The following NME7 variants were observed in gnomAD, a reference collection of about 807,000 sequenced individuals.
The protein encoded by NME7 is NME/NM23 family member 7, also known as nucleoside diphosphate kinase 7.
NME7 carries 41 observed loss-of-function variants against 49.1 expected under a neutral mutation model. That is an observed-to-expected ratio of 0.83 (90% CI 0.65 to 1.08). The LOEUF is 1.08. Among genes scored for constraint, NME7 ranks in the 50% least tolerant of loss-of-function variants. The pLI is 0.00. For missense variants in NME7, 423 were observed against 463.4 expected (o/e 0.91, Z 0.80); for synonymous variants, 139 against 150.6 (o/e 0.92, Z 0.56).
chr1:169,274,771 A>G (rs1571345050), intron 7 of NME7, among the ~76,000 whole-genome samples: 1 of 133,336 alleles, frequency 7.5e-6, no homozygotes, highest in East Asian at 2.0e-4. Flanking sequence ...AAGATCAGAT[A>G]GTTGTAGATA....
At chr1:169,253,038 G>A (rs1430824586) in intron 7 of NME7, among the ~76,000 whole-genome samples, 26 of 150,850 alleles carry the variant, frequency 1.7e-4, no homozygotes, top group Middle Eastern at 3.4e-3. Flanking sequence ...TTGACTTGGC[G>A]ATGCGGGCTC....
chr1:169,248,974 T>G (rs1648443699), intron 7 of NME7, among the ~76,000 whole-genome samples: 1 of 152,132 alleles, frequency 6.6e-6, no homozygotes, highest in South Asian at 2.1e-4. Context: ...AGGTTCTTTT[T>G]CTGGTTTCAT....
intron 6 of NME7, among the ~76,000 whole-genome samples, chr1:169,290,992 T>C (rs1558025460): frequency 6.6e-6 from 1 of 152,132 alleles, no homozygotes; most frequent in Non-Finnish European, 1.5e-5. Context: ...ATGATGATCA[T>C]TAAAAAATCA....
At chr1:169,225,157 G>A (rs1647278777) in intron 10 of NME7, among the ~76,000 whole-genome samples, 1 of 152,076 alleles carries the variant, frequency 6.6e-6, no homozygotes, top group Middle Eastern at 3.4e-3. Flanking sequence ...TGTCCAAGCT[G>A]GAGTGCAGTG....
chr1:169,228,697 A>AC, intron 10 of NME7, among the ~76,000 whole-genome samples: 1 of 150,920 alleles, frequency 6.6e-6, no homozygotes, highest in East Asian at 1.9e-4. Context: ...AAAAAAAAAA[A>AC]AAAAAAAAAG....
chr1:169,326,455 G>T (rs769097280), intron 1 of NME7, among the ~76,000 whole-genome samples: 1 of 152,080 alleles, frequency 6.6e-6, no homozygotes. Flanking sequence ...CATTCATTGC[G>T]TTGTCTTTAC....
intron 1 of NME7, among the ~76,000 whole-genome samples, chr1:169,335,145 T>C (rs1204190714): frequency 6.6e-6 from 1 of 152,220 alleles, no homozygotes; most frequent in East Asian, 1.9e-4. Flanking sequence ...TGGAAGACAG[T>C]ATGGTGATTC....
chr1:169,361,656 A>C (rs1653659221), intron 1 of NME7, among the ~76,000 whole-genome samples: 1 of 151,244 alleles, frequency 6.6e-6, no homozygotes, highest in Non-Finnish European at 1.5e-5. Flanking sequence ...GGCATGCGCC[A>C]GTAGTCCCAG....
chr1:169,341,467 G>A (rs966086148), intron 1 of NME7, among the ~76,000 whole-genome samples: 1 of 152,224 alleles, frequency 6.6e-6, no homozygotes, highest in African/African-American at 2.4e-5. Flanking sequence ...GCAATGCAGA[G>A]GGAAAATGTG....
chr1:169,174,517 T>A (rs1571264303), intron 10 of NME7, among the ~76,000 whole-genome samples: 3 of 152,194 alleles, frequency 2.0e-5, no homozygotes, highest in African/African-American at 7.2e-5. Context: ...ACAACAGAGA[T>A]ATAGTCTAAG....
chr1:169,258,123 A>C (rs758054565), intron 7 of NME7, among the ~76,000 whole-genome samples: 1 of 131,036 alleles, frequency 7.6e-6, no homozygotes, highest in African/African-American at 2.6e-5. Flanking sequence ...GGACTCCTTG[A>C]GTCCAGGAGT....
At chr1:169,355,297 T>TTATATATAATATATTGTA (rs1653417276) in intron 1 of NME7, among the ~76,000 whole-genome samples, 1 of 105,862 alleles carries the variant, frequency 9.4e-6, no homozygotes, top group East Asian at 2.5e-4. Flanking sequence ...ATATTGTATA[T>TTATATATAATATATTGTA]TATATATAAT....
intron 10 of NME7, among the ~76,000 whole-genome samples, chr1:169,211,303 GT>G (rs1660810553): frequency 6.6e-6 from 1 of 152,074 alleles, no homozygotes; most frequent in Admixed American, 6.6e-5. Context: ...ACATTATTTT[GT>G]TCCTATATTT....
At chr1:169,151,598 C>G (rs568531001) in intron 11 of NME7, among the ~76,000 whole-genome samples, 18 of 152,190 alleles carry the variant, frequency 1.2e-4, no homozygotes, top group Non-Finnish European at 2.1e-4. Context: ...GTCCAGCCCC[C>G]TGAAGCCTGT....
chr1:169,333,995 G>A (rs141002381), intron 1 of NME7, among the ~76,000 whole-genome samples: 197 of 152,178 alleles, frequency 1.3e-3, no homozygotes, highest in African/African-American at 4.4e-3. Flanking sequence ...CTGTATTTTA[G>A]GAAAAATTAC....
chr1:169,176,609 C>T (rs906133635), intron 10 of NME7, among the ~76,000 whole-genome samples: 2 of 152,082 alleles, frequency 1.3e-5, no homozygotes, highest in African/African-American at 2.4e-5. Context: ...CACATGGCAT[C>T]GTAACTATTG....
At chr1:169,178,953 TG>T (rs1659848771) in intron 10 of NME7, among the ~76,000 whole-genome samples, 1 of 151,964 alleles carries the variant, frequency 6.6e-6, no homozygotes, top group South Asian at 2.1e-4. Context: ...CCTGAGTAGC[TG>T]GGATTACAGG....
At chr1:169,273,948 A>G (rs1227402106) in intron 7 of NME7, among the ~76,000 whole-genome samples, 2 of 131,992 alleles carry the variant, frequency 1.5e-5, no homozygotes, top group Non-Finnish European at 3.5e-5. Flanking sequence ...TTATAGCAGC[A>G]TGATTTATAG....
intron 4 of NME7, 34 bp from the exon 5 acceptor site, chr1:169,303,229 T>G: frequency 8.5e-7 from 1 of 1,173,262 alleles, no homozygotes; most frequent in Admixed American, 2.2e-5. Flanking sequence ...TAGTTAAGAA[T>G]TATAAAATTA....
Sources: allele counts gnomAD v4.1 joint callset (sites outside exome capture counted in the v4.1 genomes callset), GRCh38; gene constraint gnomAD v4.1.1; transcripts MANE v1.5; gene names NCBI Gene and HGNC (gene_info 2026-07-23, HGNC 2026-07-21).